Variants in RARS2 observed in about 807,000 individuals in gnomAD.
RARS2 encodes the protein arginyl-tRNA synthetase 2, mitochondrial.
A neutral mutation model predicts 88.5 loss-of-function variants in RARS2; 67 were observed. The observed-to-expected ratio is 0.76, with a 90% confidence interval of 0.62 to 0.93. The LOEUF (loss-of-function observed/expected upper bound fraction) is 0.93, where lower values mean the gene tolerates loss of function less well. Ranked by LOEUF, RARS2 falls within the 40% of genes least tolerant of loss-of-function variation. The pLI is 0.00. For missense variants in RARS2, 664 were observed against 684.2 expected (o/e 0.97, Z 0.33); for synonymous variants, 239 against 230.3 (o/e 1.04, Z -0.34).
In RARS2 at chr6:87,572,210, G is replaced by A. The variant is rs960529227; in HGVS notation, c.37-2620C>T. Among the ~76,000 whole-genome samples, 9 of 152,122 alleles carry A rather than the reference G, an allele frequency of 5.9e-5. No homozygotes were observed. The East Asian group carries it at 1.5e-3, about 26-fold the overall frequency. The stretch of plus-strand genomic sequence containing the variant: ...GCTATAGTTTTCACAGCTGAAATAC[G>A]GGGATAATAAATCTGTTAAATAATA... On this transcript the variant is annotated intron_variant, in intron 1 of 19. Coordinates refer to ENST00000369536, the MANE Select transcript of RARS2 (RefSeq NM_020320.5).
chr6:87,555,068 C>T (rs1332036846), intron 5 of RARS2, among the ~76,000 whole-genome samples: 1 of 151,356 alleles, frequency 6.6e-6, no homozygotes, highest in Non-Finnish European at 1.5e-5. Flanking sequence ...CTCGCCACTC[C>T]AGCCTGGGCG....
intron 5 of RARS2, among the ~76,000 whole-genome samples, chr6:87,553,275 A>G (rs1784888147): frequency 6.6e-6 from 1 of 152,140 alleles, no homozygotes; most frequent in Non-Finnish European, 1.5e-5. Context: ...TAGCCCCACT[A>G]GTCTCTAGAT....
At chr6:87,516,599 C>T (rs952858392) in intron 18 of RARS2, among the ~76,000 whole-genome samples, 1 of 152,192 alleles carries the variant, frequency 6.6e-6, no homozygotes, top group African/African-American at 2.4e-5. Flanking sequence ...GTTGTCAGTT[C>T]CCATTCTCCA....
chr6:87,568,659 A>G (rs1309613563), intron 2 of RARS2, among the ~76,000 whole-genome samples: 1 of 152,244 alleles, frequency 6.6e-6, no homozygotes, highest in East Asian at 1.9e-4. Context: ...AAGTCAATAT[A>G]AAAAGCCGCA....
At chr6:87,581,659 A>G (rs1211561373) in intron 1 of RARS2, among the ~76,000 whole-genome samples, 2 of 152,158 alleles carry the variant, frequency 1.3e-5, no homozygotes, top group Non-Finnish European at 2.9e-5. Context: ...ACATAGACAA[A>G]TGTGTGCCAT....
chr6:87,567,762 A>G (rs1185453764), intron 2 of RARS2, among the ~76,000 whole-genome samples: 3 of 152,090 alleles, frequency 2.0e-5, no homozygotes, highest in Admixed American at 6.6e-5. Flanking sequence ...GCCCTCCCCA[A>G]TATTTAATTT....
chr6:87,532,753 GA>G (rs1777913614), intron 8 of RARS2, among the ~76,000 whole-genome samples: 1 of 152,158 alleles, frequency 6.6e-6, no homozygotes. Context: ...GAATCGGGGG[GA>G]GGAGTGGTCT....
intron 4 of RARS2, among the ~76,000 whole-genome samples, chr6:87,557,905 G>C (rs972058556): frequency 1.3e-5 from 2 of 152,136 alleles, no homozygotes; most frequent in African/African-American, 4.8e-5. Flanking sequence ...GCCAGGCATG[G>C]TGGCTCACAC....
Position 87,518,643 on chromosome 6 carries a change from C to CGT in RARS2, c.1400_1401dup (p.Ala468ThrfsTer16). 6.2e-7 allele frequency: 1 copy of CGT among 1,612,624 alleles called. No individual in the cohort carries two copies. Among genetic ancestry groups the CGT allele is most frequent in the East Asian group, 2.2e-5 (1 of 44,852 alleles). Reference sequence around the variant, plus strand: ...GCCTCTTCTCACCTGTGGAGGCGGGCGTGTGTGTACTGTAGGAAGACTCCT... The same window carrying CGT: ...GCCTCTTCTCACCTGTGGAGGCGGGCGTGTGTGTGTACTGTAGGAAGACTCCT... On this transcript the variant is annotated frameshift_variant, in exon 16 of 20. Coordinates refer to ENST00000369536, the MANE Select transcript of RARS2 (RefSeq NM_020320.5). LOFTEE classifies it high-confidence loss of function.
At position 87,578,230 on chromosome 6, in the gene RARS2, T is replaced by C. The variant is rs143556509; in HGVS notation, c.37-8640A>G. Among the ~76,000 whole-genome samples, 886 of 152,342 alleles carry C rather than the reference T, an allele frequency of 5.8e-3. 6 individuals carry two copies. Among genetic ancestry groups the C allele is most frequent in the African/African-American group, 0.018 (768 of 41,570 alleles). On this transcript the variant is annotated intron_variant, in intron 1 of 19. Coordinates refer to ENST00000369536, the MANE Select transcript of RARS2 (RefSeq NM_020320.5). The stretch of plus-strand genomic sequence containing the variant: ...TTCAATATGTTGGACATTTTTCCAT[T>C]GTAAAACTTAAAAATAACACTCTGA...
At chr6:87,548,674 T>C (rs1441122632) in intron 5 of RARS2, 28 bp from the exon 6 acceptor site, 33 of 1,600,796 alleles carry the variant, frequency 2.1e-5, no homozygotes, top group Non-Finnish European at 2.7e-5. Flanking sequence ...AACATTTCTC[T>C]ATTCTAAGAC....
intron 10 of RARS2, among the ~76,000 whole-genome samples, chr6:87,525,144 AT>A (rs1263920008): frequency 6.6e-6 from 1 of 152,220 alleles, no homozygotes; most frequent in African/African-American, 2.4e-5. Context: ...CGAGGATGCT[AT>A]TAACTATGTT....
chr6:87,557,108 C>A (rs1246238907), intron 4 of RARS2, among the ~76,000 whole-genome samples: 1 of 152,134 alleles, frequency 6.6e-6, no homozygotes, highest in Non-Finnish European at 1.5e-5. Flanking sequence ...GTGCTAGGTC[C>A]AAGACCAAGT....
intron 18 of RARS2, among the ~76,000 whole-genome samples, chr6:87,515,387 G>A (rs1771254367): frequency 2.0e-5 from 3 of 151,972 alleles, no homozygotes; most frequent in Non-Finnish European, 4.4e-5. Flanking sequence ...GGGCGTGGTG[G>A]CATGCGCCTG....
At chr6:87,588,357 C>A (rs1212250213) in intron 1 of RARS2, among the ~76,000 whole-genome samples, 1 of 152,092 alleles carries the variant, frequency 6.6e-6, no homozygotes, top group East Asian at 1.9e-4. Flanking sequence ...AATCTATTAG[C>A]TTTTCACGTT....
chr6:87,518,649 T>C lies in RARS2; in HGVS notation c.1396A>G (p.Thr466Ala), dbSNP rs200492384. Residue 466 changes from threonine to alanine, a missense_variant, in exon 16 of 20, where the codon ACA becomes GCA. Thr to Ala is a moderately conservative substitution (Grantham distance 58, BLOSUM62 0). Transcript: ENST00000369536. ...RGDTGVFLQY[T>A]HARLHSLEET... ...TCTCACCTGTGGAGGCGGGCGTGTGTGTACTGTAGGAAGACTCCTGTGTCC... is the reference window on the plus strand; with the variant it reads ...TCTCACCTGTGGAGGCGGGCGTGTGCGTACTGTAGGAAGACTCCTGTGTCC... The C allele has an allele frequency of 6.8e-6, 11 of 1,613,502 alleles. No individual in the cohort carries two copies. Among genetic ancestry groups the C allele is most frequent in the East Asian group, 4.5e-5 (2 of 44,858 alleles).
intron 1 of RARS2, among the ~76,000 whole-genome samples, chr6:87,574,005 C>T (rs895583848): frequency 6.6e-5 from 10 of 152,234 alleles, no homozygotes; most frequent in African/African-American, 2.4e-4. Flanking sequence ...TTCTCATTAA[C>T]ACCCCAAATC....
chr6:87,563,561 C>A (rs1177061150), intron 3 of RARS2, among the ~76,000 whole-genome samples: 1 of 152,164 alleles, frequency 6.6e-6, no homozygotes, highest in Non-Finnish European at 1.5e-5. Flanking sequence ...ATGTTAATAA[C>A]CTTGTCCAAC....
At chr6:87,555,755 A>G (rs1279703948) in intron 4 of RARS2, among the ~76,000 whole-genome samples, 1 of 152,062 alleles carries the variant, frequency 6.6e-6, no homozygotes, top group Non-Finnish European at 1.5e-5. Flanking sequence ...TCTTACAGTA[A>G]CCAGTTATGT....
Sources: allele counts gnomAD v4.1 joint callset (sites outside exome capture counted in the v4.1 genomes callset), GRCh38; gene constraint gnomAD v4.1.1; transcripts MANE v1.5; gene names NCBI Gene and HGNC (gene_info 2026-07-23, HGNC 2026-07-21).